Variants in ATF7IP2 observed in about 807,000 individuals in gnomAD.
The protein encoded by ATF7IP2 is activating transcription factor 7 interacting protein 2.
In ATF7IP2, 42 loss-of-function variants were observed where a neutral mutation model predicts 64.2. The ratio of observed to expected loss-of-function variants is 0.65; its 90% CI spans 0.51 to 0.85. The LOEUF (loss-of-function observed/expected upper bound fraction) is 0.85. Ranked by LOEUF, ATF7IP2 falls within the 40% of genes least tolerant of loss-of-function variation. ATF7IP2 has a pLI of 0.00. For synonymous variants in ATF7IP2, 308 were observed against 272.8 expected, an observed-to-expected ratio of 1.13 and a Z score of -1.27; for missense variants, 933 against 784.2, an observed-to-expected ratio of 1.19 and a Z score of -2.27.
Position 10,473,894 on chromosome 16 carries a change from C to CTT in ATF7IP2, c.1483-15_1483-14dup, listed in dbSNP as rs56766112. 514 of 1,043,072 alleles carry CTT rather than the reference C, an allele frequency of 4.9e-4. 2 individuals are homozygous for CTT. The highest frequency in any genetic ancestry group is 7.3e-4 in the South Asian group (36 of 49,596). 64.6% of individuals were successfully genotyped at this position (1,043,072 alleles called of 1,614,324 possible). On this transcript the variant is annotated intron_variant, in intron 11 of 13. Coordinates refer to ENST00000562102, the MANE Select transcript of ATF7IP2 (RefSeq NM_001393719.1). ...AACATTTTCAGCTATTGAGGCAAAG[C>CTT]TTTTTTTTTTTTTTTACAATTTTTT...
intron 1 of ATF7IP2, chr16:10,386,879 A>G (rs762242200): frequency 6.6e-6 from 1 of 152,216 alleles, no homozygotes; most frequent in Non-Finnish European, 1.5e-5. Flanking sequence ...ATTTTTGTTA[A>G]AACCTTACCG....
At chr16:10,453,405 G>A (rs568520904) in intron 8 of ATF7IP2, among the ~76,000 whole-genome samples, 3 of 152,092 alleles carry the variant, frequency 2.0e-5, no homozygotes, top group Non-Finnish European at 4.4e-5. Context: ...CGCTGTCTGT[G>A]GCTACACCCA....
intron 8 of ATF7IP2, among the ~76,000 whole-genome samples, chr16:10,445,080 G>A (rs539697731): frequency 1.3e-4 from 20 of 152,212 alleles, no homozygotes; most frequent in African/African-American, 4.3e-4. Context: ...GTTTTCTTAC[G>A]TATTAAGCAA....
chr16:10,460,846 C>T (rs1567165803), intron 9 of ATF7IP2, among the ~76,000 whole-genome samples: 2 of 152,100 alleles, frequency 1.3e-5, no homozygotes, highest in African/African-American at 4.8e-5. Flanking sequence ...AATTTTACCA[C>T]ATTGAAATTA....
chr16:10,409,897 A>G (rs945115028), intron 1 of ATF7IP2, among the ~76,000 whole-genome samples: 1 of 151,882 alleles, frequency 6.6e-6, no homozygotes, highest in Non-Finnish European at 1.5e-5. Flanking sequence ...TAAGTATTTG[A>G]TTTTCTCAGT....
At chr16:10,464,416 C>T (rs983831945) in intron 9 of ATF7IP2, among the ~76,000 whole-genome samples, 2 of 152,070 alleles carry the variant, frequency 1.3e-5, no homozygotes, top group African/African-American at 4.8e-5. Flanking sequence ...TTGTCCGTGT[C>T]TATAGTATGG....
intron 9 of ATF7IP2, among the ~76,000 whole-genome samples, chr16:10,467,961 C>T (rs931655508): frequency 1.3e-5 from 2 of 150,050 alleles, no homozygotes; most frequent in African/African-American, 4.9e-5. Flanking sequence ...CTTACCACAA[C>T]CTCTGCCTTC....
At chr16:10,415,442 T>C (rs1375430842) in intron 2 of ATF7IP2, among the ~76,000 whole-genome samples, 1 of 152,214 alleles carries the variant, frequency 6.6e-6, no homozygotes, top group African/African-American at 2.4e-5. Flanking sequence ...AGAATGAAAT[T>C]AGATCTGTTA....
chr16:10,481,984 C>G lies in ATF7IP2; in HGVS notation c.1784C>G (p.Thr595Ser). 2 of 1,614,124 alleles carry G rather than the reference C, an allele frequency of 1.2e-6. No individual in the cohort carries two copies. Among genetic ancestry groups the G allele is most frequent in the Non-Finnish European group, 8.5e-7 (1 of 1,180,022 alleles). Residue 595 changes from threonine to serine, a missense_variant, in exon 14 of 14, where the codon ACT (threonine) becomes AGT (serine). Thr to Ser is a moderately conservative substitution (Grantham distance 58). Transcript: ENST00000562102. ...TTCAGACCCAATGGCATTGCCCTGA[C>G]TTGGAATATAACCAAAATCAATCCC... ...RVFRPNGIAL[T>S]WNITKINPKC...
At chr16:10,443,708 G>A (rs570880140) in intron 8 of ATF7IP2, among the ~76,000 whole-genome samples, 2 of 152,280 alleles carry the variant, frequency 1.3e-5, no homozygotes, top group East Asian at 3.9e-4. Flanking sequence ...GTGGTAGGAG[G>A]TGGAGAATGG....
At chr16:10,448,962 CTT>C (rs2048898898) in intron 8 of ATF7IP2, 1 of 151,958 alleles carries the variant, frequency 6.6e-6, no homozygotes, top group Admixed American at 6.6e-5. Context: ...ATAAATAACT[CTT>C]ATTATTTTGA....
At chr16:10,453,912 A>T (rs961344743) in intron 8 of ATF7IP2, 3 of 150,756 alleles carry the variant, frequency 2.0e-5, no homozygotes, top group African/African-American at 7.4e-5. Flanking sequence ...AAGTCCTGGG[A>T]TTACAGGCAT....
At position 10,455,604 on chromosome 16, in the gene ATF7IP2, G is replaced by A. The variant is rs558480267; in HGVS notation, c.1195-1768G>A. On this transcript the variant is annotated intron_variant, in intron 8 of 13. Transcript: ENST00000562102. ...AATGTGAAAGTGGCTTTTGAGTAGG[G>A]TAATGCATAGAGACTAGAGGAGTTT... Among the ~76,000 whole-genome samples, 28 of 152,308 alleles carry A rather than the reference G, an allele frequency of 1.8e-4. 2 individuals are homozygous for A. In the South Asian group the frequency reaches 5.0e-3, roughly 27 times the overall value.
chr16:10,426,130 G>A (rs997470369), intron 3 of ATF7IP2, among the ~76,000 whole-genome samples: 2 of 152,144 alleles, frequency 1.3e-5, no homozygotes, highest in Non-Finnish European at 2.9e-5. Flanking sequence ...TAAATGACTT[G>A]AGAAAATATA....
At position 10,482,736 on chromosome 16, in the gene ATF7IP2, AT is replaced by A. The variant is rs35744297; in HGVS notation, c.*498del. On this transcript the variant is annotated 3_prime_UTR_variant, in exon 14 of 14. Transcript: ENST00000562102. ...AAAAGTTAATTATAAAAATTAAAAG[AT>A]TTTTTTTTTTGAGATGGAATATTGC... is the stretch of plus-strand genomic sequence containing the variant. 0.091 allele frequency: 13,587 copies of A among 149,858 alleles called. 685 individuals carry two copies. Among genetic ancestry groups the A allele is most frequent in the Non-Finnish European group, 0.11 (7,549 of 67,360 alleles). 9.3% of individuals were successfully genotyped at this position (149,858 alleles called of 1,614,324 possible).
chr16:10,408,093 G>T (rs1037511790), intron 1 of ATF7IP2, among the ~76,000 whole-genome samples: 1 of 151,940 alleles, frequency 6.6e-6, no homozygotes, highest in African/African-American at 2.4e-5. Flanking sequence ...TGTATTTTTA[G>T]TAGAGGTGGG....
chr16:10,428,922 G>A lies in ATF7IP2; in HGVS notation c.-105G>A, dbSNP rs1008227189. On this transcript the variant is annotated 5_prime_UTR_variant, in exon 4 of 14. Transcript: ENST00000562102. The stretch of plus-strand genomic sequence containing the variant: ...ACGGTCTCACTCTGTCACCCTTGCT[G>A]GAGTGCAGTGGTGCAATCACAGATC... 5 of 151,468 alleles carry A rather than the reference G, an allele frequency of 3.3e-5. No homozygotes were observed. The highest frequency in any genetic ancestry group is 4.4e-5 in the Non-Finnish European group (3 of 67,928). 9.4% of individuals were successfully genotyped at this position (151,468 alleles called of 1,614,324 possible).
At chr16:10,410,352 G>C (rs564582546) in intron 1 of ATF7IP2, among the ~76,000 whole-genome samples, 1 of 129,876 alleles carries the variant, frequency 7.7e-6, no homozygotes, top group Non-Finnish European at 1.7e-5. Flanking sequence ...GTTTTGTTTT[G>C]TTTTGTTTTT....
intron 1 of ATF7IP2, among the ~76,000 whole-genome samples, chr16:10,409,327 A>G (rs1180476535): frequency 6.6e-6 from 1 of 152,188 alleles, no homozygotes; most frequent in African/African-American, 2.4e-5. Context: ...AATTAGGGGC[A>G]AGGAGGCATG....
Sources: gnomAD v4.1 joint callset for allele counts (sites outside exome capture counted in the v4.1 genomes callset) on GRCh38, gnomAD v4.1.1 for gene constraint, MANE v1.5 for transcripts, NCBI Gene and HGNC (gene_info 2026-07-23, HGNC 2026-07-21) for gene names.